Variants in DOP1A observed in about 807,000 individuals in gnomAD.
DOP1A encodes the protein protein DOP1A.
DOP1A carries 90 observed loss-of-function variants against 267.6 expected under a neutral mutation model. The observed-to-expected ratio is 0.34, with a 90% CI of 0.28 to 0.40. DOP1A has a LOEUF of 0.40. DOP1A is among the 10% of genes least tolerant of loss of function. The pLI, the probability that DOP1A is intolerant of heterozygous loss-of-function variation, is 1.00. For missense variants in DOP1A, 2,437 were observed against 2,900.4 expected (o/e 0.84, Z 3.67); for synonymous variants, 932 against 999.1 (o/e 0.93, Z 1.27).
chr6:83,149,428 G>C (rs1268237606), intron 27 of DOP1A, among the ~76,000 whole-genome samples: 1 of 152,170 alleles, frequency 6.6e-6, no homozygotes, highest in Non-Finnish European at 1.5e-5. Context: ...GAGGTGGTGG[G>C]CACAGAAAGC....
Position 83,127,355 on chromosome 6 carries a change from G to A in DOP1A, c.1720-1532G>A, listed in dbSNP as rs1486757415. Among the ~76,000 whole-genome samples the A allele has an allele frequency of 1.3e-5, 2 of 152,244 alleles. 1 individual carries two copies. The highest frequency in any genetic ancestry group is 4.8e-5 in the African/African-American group (2 of 41,564). Reference sequence around the variant, plus strand: ...GACAGTGGAGAGGATAGAAGATGAGGTCAGTTAGGTTTGATATCTTTCACT... The same window carrying A: ...GACAGTGGAGAGGATAGAAGATGAGATCAGTTAGGTTTGATATCTTTCACT... On this transcript the variant is annotated intron_variant, in intron 15 of 38. Transcript: ENST00000349129.
At chr6:83,110,463 A>C (rs529553630) in intron 6 of DOP1A, 149 bp downstream of exon 6, 2 of 791,594 alleles carry the variant, frequency 2.5e-6, no homozygotes, top group Admixed American at 6.9e-5. Flanking sequence ...CCAAAATAAT[A>C]ATTATTATTT....
In DOP1A at chr6:83,167,353, C is replaced by T. The variant is rs41271573; in HGVS notation, c.7093-509C>T. On this transcript the variant is annotated intron_variant, in intron 38 of 38. Coordinates refer to ENST00000349129, the MANE Select transcript of DOP1A (RefSeq NM_015018.4). The stretch of plus-strand genomic sequence containing the variant: ...TCCTTTCTCTGTGATGCAGTACTGA[C>T]AGTAATTATTCACTTTGGACACTGC... 1,816 of 985,316 alleles carry T rather than the reference C, an allele frequency of 1.8e-3. 26 individuals are homozygous for T. The African/African-American group carries it at 0.027, about 15-fold the overall frequency. The allele number at this position is 985,316 out of a possible 1,614,324, so 61.0% of individuals were successfully genotyped here.
intron 19 of DOP1A, among the ~76,000 whole-genome samples, chr6:83,134,986 AAC>A (rs1285104576): frequency 1.3e-5 from 2 of 152,168 alleles, no homozygotes; most frequent in African/African-American, 4.8e-5. Context: ...TCTGATACTG[AAC>A]CATATATTGA....
chr6:83,144,470 A>G (rs1175711412), intron 24 of DOP1A, among the ~76,000 whole-genome samples: 6 of 152,196 alleles, frequency 3.9e-5, no homozygotes, highest in Non-Finnish European at 7.3e-5. Context: ...TTTAATAGGT[A>G]CAGAGAAAAT....
Position 83,153,632 on chromosome 6 carries a change from ATTTAAATAGTTT to A in DOP1A, c.6239+15_6239+26del, listed in dbSNP as rs201413063. 71 of 1,544,634 alleles carry A rather than the reference ATTTAAATAGTTT, an allele frequency of 4.6e-5. No homozygotes were observed. In the East Asian group the frequency reaches 1.5e-3, roughly 33 times the overall value. On this transcript the variant is annotated intron_variant, in intron 31 of 38. Coordinates refer to ENST00000349129, the MANE Select transcript of DOP1A (RefSeq NM_015018.4). ...CTCAGAAATCACAGGTACTATCATT[ATTTAAATAGTTT>A]TTAAAATTAATTCATAGCCTGTTAG...
intron 23 of DOP1A, 139 bp downstream of exon 23, chr6:83,140,542 G>C: frequency 1.4e-6 from 1 of 711,450 alleles, no homozygotes; most frequent in Non-Finnish European, 2.2e-6. Flanking sequence ...AGTTTTCCTG[G>C]GCTATGGCTG....
chr6:83,078,289 T>C (rs897099408), intron 1 of DOP1A, among the ~76,000 whole-genome samples: 5 of 152,190 alleles, frequency 3.3e-5, no homozygotes, highest in African/African-American at 1.2e-4. Flanking sequence ...ATAGCAGTAA[T>C]AAGAGCACTT....
chr6:83,152,306 T>C lies in DOP1A; in HGVS notation c.6068T>C (p.Met2023Thr). 6.4e-7 allele frequency: 1 copy of C among 1,573,622 alleles called. No individual in the cohort carries two copies. The highest frequency in any genetic ancestry group is 8.6e-7 in the Non-Finnish European group (1 of 1,161,492). Residue 2023 changes from methionine to threonine, a missense_variant, in exon 30 of 39, where the codon ATG becomes ACG. By Grantham distance (81) the Met-to-Thr change is moderately conservative. Coordinates refer to ENST00000349129, the MANE Select transcript of DOP1A (RefSeq NM_015018.4). ...TTTATAGATATGTTATCACCTGCAA[T>C]GGAAACCGCAAACATAACTCCTTCT... ...SDVEDMLSPA[M>T]ETANITPSVY... is the part of the protein sequence containing the mutation.
chr6:83,094,195 T>A (rs1045742111), intron 1 of DOP1A, among the ~76,000 whole-genome samples: 13 of 152,324 alleles, frequency 8.5e-5, no homozygotes, highest in African/African-American at 3.1e-4. Context: ...ATGGCTTCTT[T>A]CACTTACAAT....
Position 83,168,406 on chromosome 6 carries a change from T to C in DOP1A, c.*239T>C, listed in dbSNP as rs559420973. 745 of 1,224,118 alleles carry C rather than the reference T, an allele frequency of 6.1e-4. No individual in the cohort carries two copies. The highest frequency in any genetic ancestry group is 7.1e-4 in the Non-Finnish European group (701 of 981,110). 75.8% of individuals were successfully genotyped at this position (1,224,118 alleles called of 1,614,324 possible). A position where few individuals can be genotyped will look rare whatever the true frequency, so the allele number is the denominator to read the frequency against. ...GAGCTATATATATACACATGTAAAG[T>C]CCATTGTTTTTATTGTCCTGAGTTG... On this transcript the variant is annotated 3_prime_UTR_variant, in exon 39 of 39. Transcript: ENST00000349129.
chr6:83,076,159 T>C (rs1426505413), intron 1 of DOP1A, among the ~76,000 whole-genome samples: 1 of 152,182 alleles, frequency 6.6e-6, no homozygotes, highest in Non-Finnish European at 1.5e-5. Flanking sequence ...AGTAACTGAA[T>C]TTTAAAATGG....
chr6:83,166,776 C>G, intron 38 of DOP1A: 1 of 1,075,848 alleles, frequency 9.3e-7, no homozygotes, highest in East Asian at 6.4e-5. Context: ...TCTGCTTGAC[C>G]CACTAGGAAA....
In DOP1A at chr6:83,140,049, T is replaced by C. The variant is rs945031287; in HGVS notation, c.5170T>C (p.Leu1724=). The change falls in exon 22 of 39, where the codon TTG becomes CTG. Residue 1724 remains leucine (L), a synonymous_variant. Transcript: ENST00000349129. ...IIPPDMILTL[L]EGITAIIHYC... is the part of the protein sequence containing the mutation. ...TCCACCAGATATGATTCTTACTCTT[T>C]TGGAAGGGATTACAGCCATTATCCA... 5.6e-6 allele frequency: 9 copies of C among 1,613,780 alleles called. No homozygotes were observed. Among genetic ancestry groups the C allele is most frequent in the Non-Finnish European group, 6.8e-6 (8 of 1,179,822 alleles).
intron 4 of DOP1A, among the ~76,000 whole-genome samples, chr6:83,107,538 A>G (rs1773845710): frequency 6.6e-6 from 1 of 152,262 alleles, no homozygotes; most frequent in Non-Finnish European, 1.5e-5. Flanking sequence ...ATAAAAATAT[A>G]GTCATGGTCC....
chr6:83,101,012 C>A, intron 4 of DOP1A, 126 bp downstream of exon 4: 2 of 562,766 alleles, frequency 3.6e-6, no homozygotes, highest in Non-Finnish European at 5.3e-6. Context: ...TTTCAGATAT[C>A]AATCTTTGTT....
intron 38 of DOP1A, chr6:83,167,576 T>C (rs1239093933): frequency 3.6e-6 from 4 of 1,100,282 alleles, no homozygotes; most frequent in Admixed American, 4.7e-5. Flanking sequence ...CATAAAACTT[T>C]TATGTTTGAC....
At chr6:83,121,227 C>T (rs1776327508) in intron 10 of DOP1A, among the ~76,000 whole-genome samples, 1 of 151,494 alleles carries the variant, frequency 6.6e-6, no homozygotes, top group African/African-American at 2.4e-5. Context: ...GCACTTGAGA[C>T]AGAAATTAGT....
At chr6:83,098,176 T>C (rs1018359599) in intron 3 of DOP1A, among the ~76,000 whole-genome samples, 2 of 152,200 alleles carry the variant, frequency 1.3e-5, no homozygotes, top group Non-Finnish European at 2.9e-5. Flanking sequence ...TTAGCCACTA[T>C]ACCCAGCCTA....
Sources: gnomAD v4.1 joint callset for allele counts (sites outside exome capture counted in the v4.1 genomes callset) on GRCh38, gnomAD v4.1.1 for gene constraint, MANE v1.5 for transcripts, NCBI Gene and HGNC (gene_info 2026-07-23, HGNC 2026-07-21) for gene names.